The following AKAP13 variants were observed in gnomAD, a reference collection of about 807,000 sequenced individuals.
AKAP13 encodes A-kinase anchoring protein 13, also known as A-kinase anchor protein 13.
In AKAP13, 80 loss-of-function variants were observed where a neutral mutation model predicts 264.5. The ratio of observed to expected loss-of-function variants is 0.30; its 90% CI spans 0.25 to 0.36. The LOEUF (loss-of-function observed/expected upper bound fraction) is 0.36, where lower values mean the gene tolerates loss of function less well. Among genes scored for constraint, AKAP13 ranks in the 10% least tolerant of loss-of-function variants. The pLI is 1.00. For synonymous variants in AKAP13, 1,380 were observed against 1,250.2 expected (o/e 1.10, Z -2.19); for missense variants, 3,712 against 3,435.2 (o/e 1.08, Z -2.01).
Position 85,580,407 on chromosome 15 carries a change from T to G in AKAP13, c.2339T>G (p.Ile780Arg). The G allele has an allele frequency of 6.2e-7, 1 of 1,614,194 alleles. No individual in the cohort carries two copies. The highest frequency in any genetic ancestry group is 8.5e-7 in the Non-Finnish European group (1 of 1,180,042). The stretch of plus-strand genomic sequence containing the variant: ...GAACTGGTGCCAGACCAGGCAGTAA[T>G]ATCAGACAGTACTTTCTCTCTGGCA... Reference protein sequence around the residue: ...EKELVPDQAVISDSTFSLANS... With the variant: ...EKELVPDQAVRSDSTFSLANS... The change falls in exon 7 of 37, where the codon ATA (isoleucine) becomes AGA (arginine). Residue 780 changes from isoleucine (I) to arginine (R), a missense_variant. Coordinates refer to ENST00000394518, the MANE Select transcript of AKAP13 (RefSeq NM_007200.5).
rs1207020778 is a variant in AKAP13 at position 85,748,023 on chromosome 15, A to AG, written c.*3349dup. 10 of 152,468 alleles carry AG rather than the reference A, an allele frequency of 6.6e-5. No homozygotes were observed. In the Middle Eastern group the frequency reaches 0.014, roughly 207 times the overall value. 9.4% of individuals were successfully genotyped at this position (152,468 alleles called of 1,614,324 possible). Reference sequence around the variant, plus strand: ...AACTAGATAGACCCTGCCTTAGTAGAGGGTGGGACTATAACCTTAGAGGCC... The same window carrying AG: ...AACTAGATAGACCCTGCCTTAGTAGAGGGGTGGGACTATAACCTTAGAGGCC... On this transcript the variant is annotated 3_prime_UTR_variant, in exon 37 of 37. Transcript: ENST00000394518.
intron 1 of AKAP13, among the ~76,000 whole-genome samples, chr15:85,444,378 G>A (rs2073827101): frequency 6.6e-6 from 1 of 152,114 alleles, no homozygotes. Context: ...TAGTGAACTA[G>A]GATGAGCAAT....
chr15:85,631,810 A>T (rs1357713135), intron 8 of AKAP13, among the ~76,000 whole-genome samples: 4 of 152,198 alleles, frequency 2.6e-5, no homozygotes, highest in Non-Finnish European at 5.9e-5. Context: ...TATGTATACT[A>T]TTTTTTGTAT....
intron 2 of AKAP13, among the ~76,000 whole-genome samples, chr15:85,490,104 G>A (rs2075681838): frequency 6.6e-6 from 1 of 152,222 alleles, no homozygotes. Context: ...TTTAGTGGTA[G>A]TGCTAAAAAC....
At chr15:85,639,240 C>A in intron 8 of AKAP13, 134 bp from the exon 9 acceptor site, 1 of 605,044 alleles carries the variant, frequency 1.7e-6, no homozygotes, top group Non-Finnish European at 2.8e-6. Context: ...AATTTTTTTC[C>A]CTTGACATAA....
chr15:85,624,912 C>G (rs996936970), intron 8 of AKAP13, among the ~76,000 whole-genome samples: 1 of 152,194 alleles, frequency 6.6e-6, no homozygotes, highest in African/African-American at 2.4e-5. Context: ...CTGGATAGGT[C>G]TGGCATTTCT....
At chr15:85,415,501 G>A in intron 1 of AKAP13, 3 of 1,541,176 alleles carry the variant, frequency 1.9e-6, no homozygotes, top group Admixed American at 3.3e-5. Context: ...TTTACAGATG[G>A]TGCATTGGTT....
At chr15:85,682,080 T>C (rs1018084311) in intron 14 of AKAP13, 78 bp from the exon 15 acceptor site, 7 of 1,352,636 alleles carry the variant, frequency 5.2e-6, no homozygotes, top group African/African-American at 4.3e-5. Flanking sequence ...AGCTGTGTCA[T>C]TGTGAATTTA....
chr15:85,498,448 C>T (rs2075951091), intron 2 of AKAP13, among the ~76,000 whole-genome samples: 1 of 152,096 alleles, frequency 6.6e-6, no homozygotes, highest in Non-Finnish European at 1.5e-5. Flanking sequence ...TTTATCTCCT[C>T]ACCCATGTGA....
At chr15:85,583,646 G>A (rs1026373552) in intron 7 of AKAP13, among the ~76,000 whole-genome samples, 3 of 152,200 alleles carry the variant, frequency 2.0e-5, no homozygotes, top group African/African-American at 4.8e-5. Context: ...TTGGCCACAT[G>A]GGCCGGAATT....
chr15:85,507,233 C>T (rs1167038855), intron 2 of AKAP13, among the ~76,000 whole-genome samples: 1 of 152,084 alleles, frequency 6.6e-6, no homozygotes, highest in Non-Finnish European at 1.5e-5. Context: ...TGCTGGAAAA[C>T]TGTACTAAAA....
At chr15:85,730,734 C>T in intron 30 of AKAP13, 27 bp downstream of exon 30, 1 of 1,585,946 alleles carries the variant, frequency 6.3e-7, no homozygotes, top group Non-Finnish European at 8.6e-7. Context: ...ATTGCCCCCT[C>T]TTCATCTACT....
intron 1 of AKAP13, among the ~76,000 whole-genome samples, chr15:85,441,707 C>A (rs2073659912): frequency 6.6e-6 from 1 of 151,538 alleles, no homozygotes; most frequent in Admixed American, 6.6e-5. Flanking sequence ...GGTATAAGTT[C>A]ATTTTTTGCA....
intron 8 of AKAP13, among the ~76,000 whole-genome samples, chr15:85,629,867 C>T (rs2081622097): frequency 6.8e-6 from 1 of 146,038 alleles, no homozygotes; most frequent in South Asian, 2.2e-4. Context: ...GAAACCTCCA[C>T]CTCCCGGGCT....
intron 2 of AKAP13, among the ~76,000 whole-genome samples, chr15:85,512,639 A>T (rs978541160): frequency 7.2e-5 from 11 of 152,198 alleles, no homozygotes; most frequent in Non-Finnish European, 1.5e-4. Flanking sequence ...GATTTAAAAA[A>T]TACTCTCGGC....
chr15:85,655,159 T>C (rs976021529), intron 10 of AKAP13, among the ~76,000 whole-genome samples: 2 of 151,592 alleles, frequency 1.3e-5, no homozygotes, highest in Non-Finnish European at 1.5e-5. Flanking sequence ...GCCACTGTAC[T>C]CCAGCCTGGG....
At chr15:85,540,725 C>T (rs1192873414) in intron 4 of AKAP13, among the ~76,000 whole-genome samples, 2 of 152,218 alleles carry the variant, frequency 1.3e-5, no homozygotes, top group Admixed American at 6.5e-5. Flanking sequence ...TTCATATATT[C>T]GTTTATCCCT....
intron 8 of AKAP13, among the ~76,000 whole-genome samples, chr15:85,619,183 T>G: frequency 6.6e-6 from 1 of 150,510 alleles, no homozygotes; most frequent in African/African-American, 2.4e-5. Flanking sequence ...AAGAAGCGGG[T>G]TGGAAAAGGA....
intron 35 of AKAP13, among the ~76,000 whole-genome samples, chr15:85,742,219 C>G (rs1470484124): frequency 1.3e-5 from 2 of 152,196 alleles, no homozygotes; most frequent in African/African-American, 2.4e-5. Flanking sequence ...CTAGAGGAGT[C>G]TCAGTGTGTC....
Sources: gnomAD v4.1 joint callset for allele counts (sites outside exome capture counted in the v4.1 genomes callset) on GRCh38, gnomAD v4.1.1 for gene constraint, MANE v1.5 for transcripts, NCBI Gene and HGNC (gene_info 2026-07-23, HGNC 2026-07-21) for gene names.